The following TMC6 variants were observed in gnomAD, a reference collection of about 807,000 sequenced individuals.
The protein encoded by TMC6 is transmembrane channel like 6.
TMC6 carries 71 observed loss-of-function variants against 95.4 expected under a neutral mutation model. The observed-to-expected ratio is 0.74, with a 90% confidence interval of 0.61 to 0.91. The LOEUF is 0.91. TMC6 is among the 40% of genes least tolerant of loss of function. TMC6 has a pLI of 0.00. For missense variants in TMC6, 1,074 were observed against 1,079.1 expected (o/e 1.00, Z 0.07); for synonymous variants, 514 against 483.1 (o/e 1.06, Z -0.84).
chr17:78,115,988 G>A lies in TMC6; in HGVS notation c.2277+1281C>T, dbSNP rs563965008. ...GGGCTGCCTCTCCGGTATGGGGTCC[G>A]ACCCCCTTCTGCAACTCACTCCCAT... On this transcript the variant is annotated intron_variant, in intron 18 of 19. Coordinates refer to ENST00000590602, the MANE Select transcript of TMC6 (RefSeq NM_001127198.5). Among the ~76,000 whole-genome samples the A allele has an allele frequency of 3.4e-4, 52 of 151,978 alleles. 1 individual carries two copies. The highest frequency in any genetic ancestry group is 5.9e-4 in the Admixed American group (9 of 15,274).
At chr17:78,115,913 G>GCGAAGGGAGTGGGCACAGGGA (rs2074080919) in intron 18 of TMC6, among the ~76,000 whole-genome samples, 2 of 150,720 alleles carry the variant, frequency 1.3e-5, no homozygotes, top group Admixed American at 6.6e-5. Context: ...GGGCACAGGG[G>GCGAAGGGAGTGGGCACAGGGA]CGAAGGGAGT....
Position 78,125,083 on chromosome 17 carries a change from C to A in TMC6, c.536+75G>T, listed in dbSNP as rs1598869931. The A allele has an allele frequency of 7.1e-6, 11 of 1,542,502 alleles. No homozygotes were observed. The South Asian group carries it at 1.3e-4, about 18-fold the overall frequency. On this transcript the variant is annotated intron_variant, in intron 6 of 19. Transcript: ENST00000590602. ...CCCACGGGCTCAGCCCCTTCTCCCCCACCACCTAGCCCAGCTGAGGAAGTG... is the reference window on the plus strand; with the variant it reads ...CCCACGGGCTCAGCCCCTTCTCCCCAACCACCTAGCCCAGCTGAGGAAGTG...
rs765041035 is a variant in TMC6, at chr17:78,126,370, C to T, written c.182-4G>A. ...CAGAGTGTCTGCTGGCTACTTCCTACAAAGCAAGAAAGACTCACCAGGGGT... is the reference window on the plus strand; with the variant it reads ...CAGAGTGTCTGCTGGCTACTTCCTATAAAGCAAGAAAGACTCACCAGGGGT... On this transcript the variant is annotated splice_polypyrimidine_tract_variant and splice_region_variant and intron_variant, in intron 3 of 19. Coordinates refer to ENST00000590602, the MANE Select transcript of TMC6 (RefSeq NM_001127198.5). 1.3e-6 allele frequency: 2 copies of T among 1,593,996 alleles called. No homozygotes were observed. The highest frequency in any genetic ancestry group is 2.2e-5 in the South Asian group (2 of 89,840).
At chr17:78,113,704 A>C in intron 18 of TMC6, 80 bp from the exon 19 acceptor site, 1 of 1,458,166 alleles carries the variant, frequency 6.9e-7, no homozygotes, top group Non-Finnish European at 9.6e-7. Flanking sequence ...ACTGCATTTG[A>C]GGGAAAACTC....
At chr17:78,123,862 TG>T in intron 9 of TMC6, 126 bp downstream of exon 9, 1 of 1,263,446 alleles carries the variant, frequency 7.9e-7, no homozygotes. Flanking sequence ...GATAGGTGAG[TG>T]GATGAGAGCA....
upstream of TMC6, among the ~76,000 whole-genome samples, chr17:78,130,011 G>A (rs546244682): frequency 5.3e-5 from 8 of 152,342 alleles, no homozygotes; most frequent in East Asian, 1.5e-3. Flanking sequence ...AGGCAGAAAA[G>A]CTATGAACAT....
intron 15 of TMC6, 179 bp from the exon 16 acceptor site, chr17:78,118,114 C>T (rs2074225979): frequency 8.9e-7 from 1 of 1,119,822 alleles, no homozygotes. Flanking sequence ...CACTTGCACG[C>T]AAACGGGTGA....
intron 1 of TMC6, among the ~76,000 whole-genome samples, chr17:78,127,389 G>A (rs2074773518): frequency 6.6e-6 from 1 of 152,188 alleles, no homozygotes; most frequent in South Asian, 2.1e-4. Context: ...GCCCCAGGCG[G>A]AAGCAGCACA....
intron 5 of TMC6, 145 bp downstream of exon 5, chr17:78,125,581 G>A (rs1483131937): frequency 2.3e-6 from 3 of 1,285,880 alleles, no homozygotes; most frequent in African/African-American, 3.0e-5. Context: ...CAGAGGGACG[G>A]GGGGGCCTTC....
rs1291315620 is a variant in TMC6, at chr17:78,113,591, G to T, written c.2311C>A (p.Leu771Ile). 1 of 1,613,940 alleles carries T rather than the reference G, an allele frequency of 6.2e-7. No homozygotes were observed. The highest frequency in any genetic ancestry group is 8.5e-7 in the Non-Finnish European group (1 of 1,180,032). Residue 771 changes from leucine to isoleucine, a missense_variant, in exon 19 of 20, where the codon CTT becomes ATT. By Grantham distance (5) the Leu-to-Ile change is conservative (BLOSUM62 2). Transcript: ENST00000590602. ...TCCTTCCTCTCGTAGATGGAGTGAA[G>T]CTTGTTGATTAAGAAGATTTTGTCC... is the stretch of plus-strand genomic sequence containing the variant. ...GEDKIFLINK[L>I]HSIYERKERE...
upstream of TMC6, chr17:78,131,915 G>C (rs1201674417): frequency 2.0e-6 from 3 of 1,496,272 alleles, no homozygotes; most frequent in Admixed American, 6.5e-5. Flanking sequence ...TGCAGACCTT[G>C]CGCTGGCAGC....
Position 78,126,216 on chromosome 17 carries a change from C to T in TMC6, c.271+61G>A, listed in dbSNP as rs1430503487. The T allele has an allele frequency of 2.0e-6, 3 of 1,530,462 alleles. No homozygotes were observed. The African/African-American group carries it at 4.1e-5, about 21-fold the overall frequency. The allele number at this position is 1,530,462 out of a possible 1,614,324, so 94.8% of individuals were successfully genotyped here. A position where few individuals can be genotyped will look rare whatever the true frequency, so the allele number is the denominator to read the frequency against. ...ATGCCTGGCAGGAAGCCCAGCCCAG[C>T]CCCAGGGACTGGGGTCAACTCGGGG... On this transcript the variant is annotated intron_variant, in intron 4 of 19. Coordinates refer to ENST00000590602, the MANE Select transcript of TMC6 (RefSeq NM_001127198.5).
upstream of TMC6, chr17:78,130,890 G>A (rs2074946195): frequency 6.4e-6 from 1 of 156,386 alleles, no homozygotes; most frequent in Non-Finnish European, 1.4e-5. Flanking sequence ...TGCAGAGGGT[G>A]AGGGGCTGTG....
At chr17:78,126,252 G>A (rs1338359677) in intron 4 of TMC6, 25 bp downstream of exon 4, 9 of 1,545,044 alleles carry the variant, frequency 5.8e-6, no homozygotes, top group Non-Finnish European at 7.8e-6. Context: ...CCGGGGCCGA[G>A]GCCGAGGCTG....
At position 78,108,731 on chromosome 17, in the gene TMC6, T is replaced by C. The variant is rs2073758359; in HGVS notation, c.*4417A>G. ...CCAGGGCACCATTTCCACCCATGGG[T>C]GAAAAAGAGGCTTGAGGAAGACAAC... On this transcript the variant is annotated 3_prime_UTR_variant, in exon 20 of 20. Coordinates refer to ENST00000590602, the MANE Select transcript of TMC6 (RefSeq NM_001127198.5). 6.5e-6 allele frequency: 1 copy of C among 153,852 alleles called. No individual in the cohort carries two copies. Among genetic ancestry groups the C allele is most frequent in the Admixed American group, 6.5e-5 (1 of 15,288 alleles). 9.5% of individuals were successfully genotyped at this position (153,852 alleles called of 1,614,324 possible). A position where few individuals can be genotyped will look rare whatever the true frequency, so the allele number is the denominator to read the frequency against.
rs749657465 is a variant in TMC6, at chr17:78,117,633, G to C, written c.2033C>G (p.Ser678Trp). The C allele has an allele frequency of 6.4e-6, 10 of 1,571,554 alleles. No individual in the cohort carries two copies. Among genetic ancestry groups the C allele is most frequent in the Admixed American group, 1.9e-5 (1 of 53,904 alleles). The change falls in exon 17 of 20, where the codon TCG (serine) becomes TGG (tryptophan). Residue 678 changes from serine to tryptophan, a missense_variant. Physicochemically the swap from Ser to Trp is radical, Grantham distance 177 (BLOSUM62 -3). Transcript: ENST00000590602. ...LCYAVWQVKP[S>W]STCGPFRTLD... ...GGTCCGGAAGGGGCCGCAGGTGCTC[G>C]AGGGCTTCACCCTGGGGAAGATGCC... is the stretch of plus-strand genomic sequence containing the variant.
At chr17:78,119,793 C>T (rs1217202181) in intron 13 of TMC6, 4 of 381,856 alleles carry the variant, frequency 1.0e-5, no homozygotes, top group South Asian at 8.4e-5. Flanking sequence ...CACCACCAGG[C>T]CCAGCTAATT....
chr17:78,118,282 T>A, intron 15 of TMC6: 1 of 387,144 alleles, frequency 2.6e-6, no homozygotes, highest in Non-Finnish European at 4.8e-6. Context: ...GATGGCCAGG[T>A]GCGGTGGCTC....
At chr17:78,132,156 C>A (rs576012699), upstream of TMC6, 3 of 1,447,294 alleles carry the variant, frequency 2.1e-6, no homozygotes, top group South Asian at 2.5e-5. Flanking sequence ...GGCCCCTCCC[C>A]CCTCCCACCC....
Sources: gnomAD v4.1 joint callset for allele counts (sites outside exome capture counted in the v4.1 genomes callset) on GRCh38, gnomAD v4.1.1 for gene constraint, MANE v1.5 for transcripts, NCBI Gene and HGNC (gene_info 2026-07-23, HGNC 2026-07-21) for gene names.